PPFIBP2: variants seen among roughly 807,000 people sequenced by gnomAD.
PPFIBP2 encodes liprin-beta-2.
Under a neutral mutation model 118.3 loss-of-function variants are expected in PPFIBP2, and 118 were observed. That is an observed-to-expected ratio of 1.00 (90% CI 0.86 to 1.16). The LOEUF (loss-of-function observed/expected upper bound fraction) is 1.16, where lower values mean the gene tolerates loss of function less well. PPFIBP2 is among the 50% of genes most tolerant of loss of function. PPFIBP2 has a pLI of 0.00. For synonymous variants in PPFIBP2, 414 were observed against 397.4 expected (o/e 1.04, Z -0.50); for missense variants, 1,195 against 1,073.1 (o/e 1.11, Z -1.59).
chr11:7,617,510 C>G (rs1451191795), intron 6 of PPFIBP2, among the ~76,000 whole-genome samples: 1 of 152,122 alleles, frequency 6.6e-6, no homozygotes, highest in Non-Finnish European at 1.5e-5. Flanking sequence ...GGCCAACCCT[C>G]AAACAGGTGG....
At chr11:7,628,261 A>C in intron 8 of PPFIBP2, 24 bp from the exon 9 acceptor site, 1 of 1,597,084 alleles carries the variant, frequency 6.3e-7, no homozygotes, top group East Asian at 2.2e-5. Context: ...ATAAATAATT[A>C]TTTCTATACC....
intron 3 of PPFIBP2, among the ~76,000 whole-genome samples, chr11:7,581,021 G>A (rs1857192188): frequency 6.6e-6 from 1 of 152,232 alleles, no homozygotes; most frequent in South Asian, 2.1e-4. Flanking sequence ...AAAGGCAGCT[G>A]CAACCTGGGC....
intron 3 of PPFIBP2, among the ~76,000 whole-genome samples, chr11:7,565,990 G>C (rs1854925440): frequency 6.6e-6 from 1 of 152,088 alleles, no homozygotes; most frequent in Non-Finnish European, 1.5e-5. Flanking sequence ...TCCACAGTTG[G>C]CCTCTCCTGA....
chr11:7,549,336 T>C (rs1053845694), intron 1 of PPFIBP2, 104 bp from the exon 2 acceptor site: 3 of 1,056,542 alleles, frequency 2.8e-6, no homozygotes, highest in African/African-American at 1.6e-5. Context: ...ATGATTCTTA[T>C]GAAAACACGT....
intron 2 of PPFIBP2, among the ~76,000 whole-genome samples, chr11:7,562,899 A>G (rs1316722289): frequency 6.8e-6 from 1 of 147,504 alleles, no homozygotes; most frequent in South Asian, 2.2e-4. Context: ...TAAAAGAAAT[A>G]TAAGTTTCAA....
intron 3 of PPFIBP2, among the ~76,000 whole-genome samples, chr11:7,588,557 A>G (rs1858632512): frequency 6.6e-6 from 1 of 152,144 alleles, no homozygotes; most frequent in African/African-American, 2.4e-5. Context: ...AACAGACCCT[A>G]GGATAACCTG....
intron 14 of PPFIBP2, among the ~76,000 whole-genome samples, chr11:7,637,041 C>T (rs1198061076): frequency 1.3e-5 from 2 of 152,204 alleles, no homozygotes; most frequent in Non-Finnish European, 2.9e-5. Flanking sequence ...TGTGCATCTG[C>T]TGATCCTCTC....
chr11:7,525,439 A>G (rs1351751378), intron 1 of PPFIBP2, among the ~76,000 whole-genome samples: 2 of 152,230 alleles, frequency 1.3e-5, no homozygotes, highest in Non-Finnish European at 2.9e-5. Flanking sequence ...AGAGATATTT[A>G]GATCATCCAG....
At chr11:7,634,406 C>T in intron 12 of PPFIBP2, 89 bp from the exon 13 acceptor site, 2 of 1,047,290 alleles carry the variant, frequency 1.9e-6, no homozygotes, top group Non-Finnish European at 3.0e-6. Context: ...AGCCCAAGAC[C>T]ATCGGTTAAG....
At chr11:7,582,792 A>T (rs6578885) in intron 3 of PPFIBP2, among the ~76,000 whole-genome samples, 2 of 151,602 alleles carry the variant, frequency 1.3e-5, no homozygotes, top group Non-Finnish European at 2.9e-5. Flanking sequence ...ATGTAACTGT[A>T]TTTCAGCATC....
intron 3 of PPFIBP2, chr11:7,577,404 G>T (rs1479860673): frequency 2.7e-6 from 1 of 372,090 alleles, no homozygotes; most frequent in Non-Finnish European, 5.4e-6. Context: ...GCTCTGTGTC[G>T]CTGTGTGTCT....
intron 6 of PPFIBP2, among the ~76,000 whole-genome samples, chr11:7,617,991 C>T (rs759234845): frequency 2.6e-5 from 4 of 152,160 alleles, no homozygotes; most frequent in East Asian, 1.9e-4. Context: ...CCCTATGCCT[C>T]GAAGGAGGCC....
At chr11:7,643,000 A>G (rs1226210193) in intron 17 of PPFIBP2, among the ~76,000 whole-genome samples, 1 of 152,150 alleles carries the variant, frequency 6.6e-6, no homozygotes. Flanking sequence ...TTCCAGATCC[A>G]TTTATTCTTC....
chr11:7,548,458 A>T (rs189281513), intron 1 of PPFIBP2: 153 of 152,336 alleles, frequency 1.0e-3, no homozygotes, highest in African/African-American at 3.6e-3. Context: ...ACATGTGTAG[A>T]TTTGCTGAAT....
chr11:7,666,068 G>A, the PPFIBP2 span: 59 of 695,402 alleles, frequency 8.5e-5, no homozygotes, highest in East Asian at 1.6e-3. Context: ...GTCCAGGTGA[G>A]GTGGGCGGTA....
chr11:7,662,643 G>A, the PPFIBP2 span, among the ~76,000 whole-genome samples: 6 of 145,988 alleles, frequency 4.1e-5, no homozygotes, highest in East Asian at 1.0e-3. Context: ...TGCTCTTCTC[G>A]AGGAGTATCT....
At chr11:7,660,736 T>G (rs574116113), downstream of PPFIBP2, among the ~76,000 whole-genome samples, 1 of 151,254 alleles carries the variant, frequency 6.6e-6, no homozygotes, top group African/African-American at 2.4e-5. Context: ...CAGTTCCTCC[T>G]TGTACCTCTG....
intron 3 of PPFIBP2, among the ~76,000 whole-genome samples, chr11:7,583,507 GTCT>G (rs1375935786): frequency 6.6e-6 from 1 of 152,130 alleles, no homozygotes; most frequent in African/African-American, 2.4e-5. Context: ...TCTTCAAAGA[GTCT>G]TCTCTTTTTA....
chr11:7,626,769 C>T (rs367730781), intron 8 of PPFIBP2, among the ~76,000 whole-genome samples: 9 of 152,244 alleles, frequency 5.9e-5, no homozygotes, highest in African/African-American at 2.2e-4. Context: ...TACCAGGCTG[C>T]AGAGCAATGC....
Sources: gnomAD v4.1 joint callset for allele counts (sites outside exome capture counted in the v4.1 genomes callset) on GRCh38, gnomAD v4.1.1 for gene constraint, MANE v1.5 for transcripts, NCBI Gene and HGNC (gene_info 2026-07-23, HGNC 2026-07-21) for gene names.